Variants in NTM observed in about 807,000 individuals in gnomAD.
The protein encoded by NTM is neurotrimin.
In NTM, 13 loss-of-function variants were observed where a neutral mutation model predicts 42.1. The ratio of observed to expected loss-of-function variants is 0.31; its 90% confidence interval spans 0.20 to 0.49. The LOEUF (loss-of-function observed/expected upper bound fraction) is 0.49. NTM is among the 20% of genes least tolerant of loss of function. The pLI is 0.99. For synonymous variants in NTM, 187 were observed against 179.2 expected (o/e 1.04, Z -0.35); for missense variants, 373 against 452.8 (o/e 0.82, Z 1.60).
chr11:131,647,950 C>T (rs1226007627), intron 1 of NTM, among the ~76,000 whole-genome samples: 3 of 152,090 alleles, frequency 2.0e-5, no homozygotes, highest in Non-Finnish European at 4.4e-5. Flanking sequence ...TATTTTGTTA[C>T]CTAGGTGACA....
chr11:132,113,535 G>A (rs1487534092), intron 2 of NTM, among the ~76,000 whole-genome samples: 1 of 152,112 alleles, frequency 6.6e-6, no homozygotes, highest in Non-Finnish European at 1.5e-5. Context: ...GCATGCACTG[G>A]ATTCTCTCGC....
chr11:131,841,814 A>G (rs997922667), intron 1 of NTM, among the ~76,000 whole-genome samples: 1 of 152,232 alleles, frequency 6.6e-6, no homozygotes, highest in South Asian at 2.1e-4. Context: ...TGGGGATTAC[A>G]GCTGAAGGAG....
At chr11:131,784,144 T>C (rs1245712137) in intron 1 of NTM, among the ~76,000 whole-genome samples, 1 of 152,086 alleles carries the variant, frequency 6.6e-6, no homozygotes, top group Non-Finnish European at 1.5e-5. Flanking sequence ...AAGAAAGTGT[T>C]AAGGAGGATG....
chr11:131,618,408 G>C (rs753823256), intron 1 of NTM, among the ~76,000 whole-genome samples: 3 of 152,230 alleles, frequency 2.0e-5, no homozygotes, highest in African/African-American at 4.8e-5. Context: ...ATCCAAGATG[G>C]ATACAGATGT....
At chr11:131,503,831 A>C (rs2047144340) in intron 1 of NTM, among the ~76,000 whole-genome samples, 1 of 152,180 alleles carries the variant, frequency 6.6e-6, no homozygotes, top group Admixed American at 6.5e-5. Flanking sequence ...TTTAAACTTA[A>C]GCTAAGTGGC....
chr11:131,867,560 CTGTG>C (rs932446936), intron 1 of NTM, among the ~76,000 whole-genome samples: 3 of 151,162 alleles, frequency 2.0e-5, no homozygotes, highest in Non-Finnish European at 4.4e-5. Flanking sequence ...GTTTGGGTGT[CTGTG>C]TGTGTCTGCC....
At chr11:132,009,922 C>CT (rs1171263004) in intron 2 of NTM, among the ~76,000 whole-genome samples, 14 of 152,082 alleles carry the variant, frequency 9.2e-5, no homozygotes, top group African/African-American at 3.1e-4. Flanking sequence ...GAAGGTTACC[C>CT]TTTTTTTCTG....
At chr11:132,025,119 A>G (rs547320096) in intron 2 of NTM, among the ~76,000 whole-genome samples, 5 of 152,318 alleles carry the variant, frequency 3.3e-5, no homozygotes, top group Admixed American at 1.3e-4. Context: ...GAGAGAGGCT[A>G]GAAGGCTGAG....
At chr11:132,094,075 C>T (rs1453402417) in intron 2 of NTM, among the ~76,000 whole-genome samples, 2 of 152,144 alleles carry the variant, frequency 1.3e-5, no homozygotes, top group Non-Finnish European at 2.9e-5. Context: ...CTTATGTAAA[C>T]ATGGTTTAAA....
chr11:131,671,942 C>T, intron 1 of NTM, among the ~76,000 whole-genome samples: 1 of 152,316 alleles, frequency 6.6e-6, no homozygotes, highest in Non-Finnish European at 1.5e-5. Flanking sequence ...GTCCCGGCTC[C>T]ACCTGAGAGC....
intron 1 of NTM, among the ~76,000 whole-genome samples, chr11:131,578,702 A>C (rs539698149): frequency 6.6e-6 from 1 of 152,292 alleles, no homozygotes; most frequent in African/African-American, 2.4e-5. Flanking sequence ...TCTGTGTCTC[A>C]ATATCTGCAT....
chr11:131,794,591 T>G (rs934876087), intron 1 of NTM: 56 of 983,958 alleles, frequency 5.7e-5, no homozygotes, highest in Non-Finnish European at 6.5e-5. Flanking sequence ...GAAATGGCAA[T>G]AGACCGACAC....
intron 1 of NTM, among the ~76,000 whole-genome samples, chr11:131,405,033 C>G (rs1205424908): frequency 6.6e-6 from 1 of 152,114 alleles, no homozygotes; most frequent in Non-Finnish European, 1.5e-5. Context: ...TTTATGGGAC[C>G]AAAGACAGAA....
At chr11:132,332,556 C>G (rs2095819441) in intron 8 of NTM, 1 of 152,192 alleles carries the variant, frequency 6.6e-6, no homozygotes, top group South Asian at 2.1e-4. Flanking sequence ...TTTACAAGCT[C>G]TCTGTGGTGC....
intron 1 of NTM, among the ~76,000 whole-genome samples, chr11:131,486,016 G>A (rs373346162): frequency 3.3e-5 from 5 of 152,194 alleles, no homozygotes; most frequent in South Asian, 2.1e-4. Context: ...CAGAGTTGTC[G>A]TGAGGTTCAA....
chr11:131,692,774 C>T (rs952344629), intron 1 of NTM, among the ~76,000 whole-genome samples: 15 of 152,078 alleles, frequency 9.9e-5, no homozygotes, highest in Non-Finnish European at 1.5e-4. Flanking sequence ...TGTGTGACTC[C>T]TTCAGGGTTA....
chr11:131,908,832 C>A (rs1295644675), intron 1 of NTM, among the ~76,000 whole-genome samples: 3 of 152,222 alleles, frequency 2.0e-5, no homozygotes, highest in Non-Finnish European at 4.4e-5. Context: ...CAAGAATGGA[C>A]TAGTGCTAAA....
At chr11:132,001,283 A>G (rs753118969) in intron 2 of NTM, among the ~76,000 whole-genome samples, 2 of 152,272 alleles carry the variant, frequency 1.3e-5, no homozygotes, top group Non-Finnish European at 2.9e-5. Context: ...ATGGTATCTT[A>G]GTACCACTTT....
intron 1 of NTM, among the ~76,000 whole-genome samples, chr11:131,560,662 T>C (rs1441133100): frequency 6.6e-6 from 1 of 152,228 alleles, no homozygotes; most frequent in Non-Finnish European, 1.5e-5. Context: ...GTATTCTTCA[T>C]GAAAAACCTT....
Sources: gnomAD v4.1 joint callset for allele counts (sites outside exome capture counted in the v4.1 genomes callset) on GRCh38, gnomAD v4.1.1 for gene constraint, MANE v1.5 for transcripts, NCBI Gene and HGNC (gene_info 2026-07-23, HGNC 2026-07-21) for gene names.